Variants in ECPAS observed in about 807,000 individuals in gnomAD.
ECPAS encodes the protein Ecm29 proteasome adaptor and scaffold, also known as proteasome adapter and scaffold protein ECM29.
Under a neutral mutation model 255.1 loss-of-function variants are expected in ECPAS, and 70 were observed. The observed-to-expected ratio is 0.27, with a 90% CI of 0.23 to 0.33. The LOEUF is 0.33. ECPAS is among the 10% of genes least tolerant of loss of function. ECPAS has a pLI of 1.00. For missense variants in ECPAS, 1,817 were observed against 2,206.4 expected, an observed-to-expected ratio of 0.82 and a Z score of 3.54; for synonymous variants, 784 against 775.0, an observed-to-expected ratio of 1.01 and a Z score of -0.19.
intron 27 of ECPAS, among the ~76,000 whole-genome samples, chr9:111,393,130 A>T (rs1268196688): frequency 6.6e-6 from 1 of 152,240 alleles, no homozygotes; most frequent in East Asian, 1.9e-4. Flanking sequence ...GACAATACTG[A>T]TGGACCTATA....
chr9:111,415,794 G>A (rs757655704), intron 18 of ECPAS, among the ~76,000 whole-genome samples: 11 of 151,602 alleles, frequency 7.3e-5, no homozygotes, highest in Non-Finnish European at 1.5e-4. Context: ...TTCATTGATC[G>A]TTAAAATAGG....
chr9:111,442,206 C>T (rs2098246870), intron 5 of ECPAS, 100 bp downstream of exon 5: 2 of 712,228 alleles, frequency 2.8e-6, no homozygotes, highest in African/African-American at 1.8e-5. Flanking sequence ...CAGCTCAAGA[C>T]CTCCCATTTG....
intron 6 of ECPAS, among the ~76,000 whole-genome samples, chr9:111,437,847 T>C (rs1380183829): frequency 6.6e-6 from 1 of 152,172 alleles, no homozygotes; most frequent in Non-Finnish European, 1.5e-5. Flanking sequence ...GTATTACTCA[T>C]CTACAAAATG....
intron 2 of ECPAS, among the ~76,000 whole-genome samples, chr9:111,452,309 T>C (rs974599659): frequency 6.6e-6 from 1 of 152,216 alleles, no homozygotes; most frequent in East Asian, 1.9e-4. Flanking sequence ...ATTAGGGAGT[T>C]TTCTAAAGAG....
At chr9:111,397,230 T>A in intron 24 of ECPAS, 77 bp from the exon 25 acceptor site, 1 of 1,566,414 alleles carries the variant, frequency 6.4e-7, no homozygotes. Flanking sequence ...AAAGCCTGCT[T>A]AAAAGTGTGG....
At chr9:111,473,741 C>T (rs1488519794) in intron 1 of ECPAS, among the ~76,000 whole-genome samples, 1 of 152,168 alleles carries the variant, frequency 6.6e-6, no homozygotes, top group Admixed American at 6.5e-5. Context: ...CCGAGGAGGG[C>T]AGATTGCTTG....
At chr9:111,403,637 G>A (rs1197316168) in intron 24 of ECPAS, among the ~76,000 whole-genome samples, 1 of 149,672 alleles carries the variant, frequency 6.7e-6, no homozygotes, top group Admixed American at 6.6e-5. Context: ...TAAAGGGAGA[G>A]ACAGACTGCA....
intron 24 of ECPAS, among the ~76,000 whole-genome samples, chr9:111,403,337 G>A (rs1171836893): frequency 6.6e-6 from 1 of 151,640 alleles, no homozygotes; most frequent in African/African-American, 2.4e-5. Flanking sequence ...CCTGGACAAT[G>A]GAGCGAGACT....
intron 46 of ECPAS, among the ~76,000 whole-genome samples, chr9:111,367,081 T>C (rs1053725073): frequency 6.6e-6 from 1 of 152,186 alleles, no homozygotes; most frequent in African/African-American, 2.4e-5. Context: ...AATTGCAGGT[T>C]TACCAAGAGT....
intron 3 of ECPAS, among the ~76,000 whole-genome samples, chr9:111,449,591 TA>T (rs1165883016): frequency 6.6e-6 from 1 of 151,916 alleles, no homozygotes; most frequent in Non-Finnish European, 1.5e-5. Flanking sequence ...TGACTTTCTA[TA>T]AAAAAATAAA....
At chr9:111,404,813 C>CAA (rs35277070) in intron 24 of ECPAS, among the ~76,000 whole-genome samples, 16,953 of 52,538 alleles carry the variant, frequency 0.32, 2,597 homozygotes, top group Non-Finnish European at 0.4. Context: ...TAATAGCTAC[C>CAA]AAAAAAAAAA....
Position 111,397,107 on chromosome 9 carries a change from C to T in ECPAS, c.2699G>A (p.Ser900Asn). The change falls in exon 25 of 50, where the codon AGT becomes AAT. Residue 900 changes from serine (S) to asparagine (N), a missense_variant. By Grantham distance (46) the Ser-to-Asn change is conservative. Around this residue, in one of 4 missense-constraint regions of ECPAS, gnomAD observed 960 missense variants for 1,179.0 expected, o/e 0.81. Coordinates refer to ENST00000684092, the MANE Select transcript of ECPAS (RefSeq NM_001364929.1). The part of the protein sequence containing the change: ...LQFTIGEAIT[S>N]AAIGTSSVAA... ...CACAGAACTAGTTCCTATTGCAGCA[C>T]TGGTAATGGCTTCGCCAATAGTGAA... is the stretch of plus-strand genomic sequence containing the variant. 6 of 1,613,914 alleles carry T rather than the reference C, an allele frequency of 3.7e-6. No homozygotes were observed. The highest frequency in any genetic ancestry group is 5.1e-6 in the Non-Finnish European group (6 of 1,179,806).
At chr9:111,447,701 T>G (rs994631601) in intron 3 of ECPAS, among the ~76,000 whole-genome samples, 1 of 151,990 alleles carries the variant, frequency 6.6e-6, no homozygotes, top group Non-Finnish European at 1.5e-5. Context: ...TTAACCAATT[T>G]GACATGCACA....
intron 12 of ECPAS, among the ~76,000 whole-genome samples, chr9:111,424,423 A>AAG (rs1409027123): frequency 6.6e-6 from 1 of 152,236 alleles, no homozygotes; most frequent in Admixed American, 6.5e-5. Flanking sequence ...TTTCAGATGT[A>AAG]AGATCTTGAT....
intron 41 of ECPAS, among the ~76,000 whole-genome samples, chr9:111,372,849 T>C (rs963295028): frequency 5.3e-5 from 8 of 152,070 alleles, no homozygotes; most frequent in Admixed American, 3.3e-4. Flanking sequence ...CTGGGCAACA[T>C]GGCGAAACCC....
In ECPAS at chr9:111,421,982, C is replaced by T. The variant is rs1057259201; in HGVS notation, c.1394G>A (p.Ser465Asn). 1 of 1,613,750 alleles carries T rather than the reference C, an allele frequency of 6.2e-7. No individual in the cohort carries two copies. Among genetic ancestry groups the T allele is most frequent in the African/African-American group, 1.3e-5 (1 of 75,036 alleles). ...AGTTCGCTGTGCCCCTTCCAAAGTA[C>T]TATACGCTCCAACCATCATAGATAA... Reference protein sequence around the residue: ...EALSMMVGAYSTLEGAQRTLM... With the variant: ...EALSMMVGAYNTLEGAQRTLM... The change falls in exon 15 of 50, where the codon AGT (serine) becomes AAT (asparagine). Residue 465 changes from serine (S) to asparagine (N), a missense_variant. This residue lies in a region of ECPAS where 573 missense variants were observed against 716.2 expected (regional missense o/e 0.80). Coordinates refer to ENST00000684092, the MANE Select transcript of ECPAS (RefSeq NM_001364929.1).
intron 46 of ECPAS, among the ~76,000 whole-genome samples, chr9:111,366,933 C>T (rs2098121082): frequency 6.6e-6 from 1 of 152,140 alleles, no homozygotes. Flanking sequence ...TATTCACTTT[C>T]AAGGCATATG....
Position 111,433,267 on chromosome 9 carries a change from T to C in ECPAS, c.814A>G (p.Thr272Ala), listed in dbSNP as rs1238093653. The C allele has an allele frequency of 6.2e-7, 1 of 1,614,050 alleles. No individual in the cohort carries two copies. The highest frequency in any genetic ancestry group is 8.5e-7 in the Non-Finnish European group (1 of 1,179,878). Reference sequence around the variant, plus strand: ...CTTTTCAATTCCAGGTCTGCTGCCGTTGCCACACTGTGGCGTGTATCACTA... The same window carrying C: ...CTTTTCAATTCCAGGTCTGCTGCCGCTGCCACACTGTGGCGTGTATCACTA... ...ASSDTRHSVA[T>A]AADLELKSKQ... Residue 272 changes from threonine to alanine, a missense_variant, in exon 8 of 50, where the codon ACG (threonine) becomes GCG (alanine). Physicochemically the swap from Thr to Ala is moderately conservative, Grantham distance 58 (BLOSUM62 0). Coordinates refer to ENST00000684092, the MANE Select transcript of ECPAS (RefSeq NM_001364929.1).
chr9:111,440,995 A>G (rs2098245062), intron 5 of ECPAS, among the ~76,000 whole-genome samples: 1 of 151,576 alleles, frequency 6.6e-6, no homozygotes, highest in African/African-American at 2.4e-5. Context: ...TACTAAAAAT[A>G]CAAAAAATCA....
Sources: allele counts gnomAD v4.1 joint callset (sites outside exome capture counted in the v4.1 genomes callset), GRCh38; gene constraint gnomAD v4.1.1; regional missense constraint gnomAD v4.1.1; transcripts MANE v1.5; gene names NCBI Gene and HGNC (gene_info 2026-07-23, HGNC 2026-07-21).